SLC4A4: variants seen among roughly 807,000 people sequenced by gnomAD.
The protein encoded by SLC4A4 is solute carrier family 4 member 4, also known as electrogenic sodium bicarbonate cotransporter 1.
SLC4A4 carries 27 observed loss-of-function variants against 111.5 expected under a neutral mutation model. That is an observed-to-expected ratio of 0.24 (90% CI 0.18 to 0.33). The LOEUF (loss-of-function observed/expected upper bound fraction) is 0.33, where lower values mean the gene tolerates loss of function less well. Ranked by LOEUF, SLC4A4 falls within the 10% of genes least tolerant of loss-of-function variation. The pLI, the probability that SLC4A4 is intolerant of heterozygous loss-of-function variation, is 1.00. For missense variants in SLC4A4, 909 were observed against 1,315.5 expected, an observed-to-expected ratio of 0.69 and a Z score of 4.78; for synonymous variants, 443 against 463.4, an observed-to-expected ratio of 0.96 and a Z score of 0.57.
intron 2 of SLC4A4, among the ~76,000 whole-genome samples, chr4:71,254,035 G>A (rs2149059480): frequency 6.6e-6 from 1 of 152,270 alleles, no homozygotes; most frequent in Non-Finnish European, 1.5e-5. Context: ...ACTGTGGAAA[G>A]TAGTTCATGA....
chr4:71,195,243 T>TG (rs1553961256), intron 1 of SLC4A4, among the ~76,000 whole-genome samples: 357 of 148,782 alleles, frequency 2.4e-3, no homozygotes, highest in African/African-American at 8.3e-3. Context: ...TTTTTTTTTT[T>TG]TTTTTTTTTT....
chr4:71,108,961 A>T (rs1445814855), intron 2 of SLC4A4, among the ~76,000 whole-genome samples: 1 of 151,796 alleles, frequency 6.6e-6, no homozygotes, highest in Non-Finnish European at 1.5e-5. Flanking sequence ...TATCTAGTTG[A>T]TCTGCCATTA....
intron 3 of SLC4A4, among the ~76,000 whole-genome samples, chr4:71,277,167 A>G (rs1404014050): frequency 6.6e-6 from 1 of 152,188 alleles, no homozygotes; most frequent in African/African-American, 2.4e-5. Flanking sequence ...CCAGTAGTAC[A>G]ATTGCTTGGT....
At chr4:71,503,491 T>C (rs993897212) in intron 16 of SLC4A4, among the ~76,000 whole-genome samples, 3 of 152,114 alleles carry the variant, frequency 2.0e-5, no homozygotes, top group African/African-American at 7.2e-5. Flanking sequence ...GTGGTTGCCA[T>C]GGGGCTAACA....
intron 1 of SLC4A4, among the ~76,000 whole-genome samples, chr4:71,233,911 C>G (rs1719620336): frequency 6.6e-6 from 1 of 152,164 alleles, no homozygotes; most frequent in African/African-American, 2.4e-5. Context: ...TCCCGTAACA[C>G]CTAAAATTCT....
chr4:71,545,359 T>A (rs139071548), intron 18 of SLC4A4, among the ~76,000 whole-genome samples: 8 of 152,082 alleles, frequency 5.3e-5, no homozygotes, highest in South Asian at 2.1e-4. Flanking sequence ...GTAAATCACA[T>A]CCTCATTTTT....
chr4:71,519,406 G>A (rs1052780152), intron 16 of SLC4A4, among the ~76,000 whole-genome samples: 4 of 152,112 alleles, frequency 2.6e-5, no homozygotes, highest in Non-Finnish European at 2.9e-5. Context: ...CTAGAATAAT[G>A]ATAGCATTCT....
chr4:71,265,141 A>T (rs1379064797), intron 3 of SLC4A4, among the ~76,000 whole-genome samples: 1 of 152,190 alleles, frequency 6.6e-6, no homozygotes, highest in African/African-American at 2.4e-5. Flanking sequence ...TAAGCAGTTA[A>T]TACAATAGGA....
At chr4:71,260,835 T>A (rs781371948) in intron 3 of SLC4A4, among the ~76,000 whole-genome samples, 3 of 152,196 alleles carry the variant, frequency 2.0e-5, no homozygotes, top group Non-Finnish European at 4.4e-5. Flanking sequence ...TCGATTTTAA[T>A]CATAGTATTC....
intron 12 of SLC4A4, among the ~76,000 whole-genome samples, chr4:71,456,125 A>G (rs1164085917): frequency 2.0e-5 from 3 of 152,194 alleles, no homozygotes; most frequent in Non-Finnish European, 4.4e-5. Context: ...AATTTTCCAG[A>G]TGTAATTTGA....
chr4:71,411,175 C>T (rs894285244), intron 7 of SLC4A4, among the ~76,000 whole-genome samples: 10 of 152,148 alleles, frequency 6.6e-5, no homozygotes, highest in African/African-American at 2.2e-4. Context: ...GGTTTTCTCC[C>T]GTCCTGACTT....
intron 16 of SLC4A4, among the ~76,000 whole-genome samples, chr4:71,502,569 G>T (rs1050054374): frequency 6.6e-6 from 1 of 152,000 alleles, no homozygotes; most frequent in African/African-American, 2.4e-5. Flanking sequence ...TTTTTAATTT[G>T]TTTACTTACA....
chr4:71,362,741 G>T (rs79871465), intron 6 of SLC4A4, among the ~76,000 whole-genome samples: 3,017 of 152,148 alleles, frequency 0.02, 101 homozygotes, highest in African/African-American at 0.069. Flanking sequence ...TGTCAGGGGG[G>T]GTCCTAAATC....
intron 2 of SLC4A4, among the ~76,000 whole-genome samples, chr4:71,153,592 T>G (rs1297983626): frequency 6.6e-6 from 1 of 152,182 alleles, no homozygotes; most frequent in East Asian, 1.9e-4. Flanking sequence ...CAGAGAGTAG[T>G]GTGAAGATTA....
In SLC4A4 at chr4:71,513,097, G is replaced by T. The variant is rs1401433530; in HGVS notation, c.2166+15405G>T. ...CAGCTTTGTTCTTTTTGCTGCTCAG[G>T]ATTGCTTTGGCTATTCAGGCTTCTT... On this transcript the variant is annotated intron_variant, in intron 16 of 25. Transcript: ENST00000264485. 2.0e-5 allele frequency among the ~76,000 whole-genome samples: 3 copies of T among 152,074 alleles called. No individual in the cohort carries two copies. In the South Asian group the frequency reaches 6.2e-4, roughly 32 times the overall value.
At chr4:71,257,451 C>T (rs1721533078) in intron 3 of SLC4A4, among the ~76,000 whole-genome samples, 1 of 152,158 alleles carries the variant, frequency 6.6e-6, no homozygotes, top group South Asian at 2.1e-4. Flanking sequence ...TGTATATCCT[C>T]AGCTGCTTTG....
At position 71,206,141 on chromosome 4, in the gene SLC4A4, T is replaced by G. The variant is rs557176680; in HGVS notation, c.-2+18740T>G. Among the ~76,000 whole-genome samples, 48 of 152,328 alleles carry G rather than the reference T, an allele frequency of 3.2e-4. 1 individual carries two copies. The highest frequency in any genetic ancestry group is 1.1e-3 in the African/African-American group (47 of 41,584). ...GTTTGTATACTAATTTAATCTTTGT[T>G]AATAAGACCACATTTTCTGTGAAAT... On this transcript the variant is annotated intron_variant, in intron 1 of 25. Transcript: ENST00000264485.
rs1253286899 is a variant in SLC4A4, at chr4:71,570,459, C to T, written c.*2708C>T. ...CTAACAAGCAAAACCTGAGGTTTACCTAGTGACACCAAATTATCGGTATTT... is the reference window on the plus strand; with the variant it reads ...CTAACAAGCAAAACCTGAGGTTTACTTAGTGACACCAAATTATCGGTATTT... On this transcript the variant is annotated 3_prime_UTR_variant, in exon 26 of 26. Transcript: ENST00000264485. 6.6e-6 allele frequency: 1 copy of T among 152,140 alleles called. No individual in the cohort carries two copies. 9.4% of individuals were successfully genotyped at this position (152,140 alleles called of 1,614,324 possible).
rs1449993669 is a variant in SLC4A4 at position 71,234,738 on chromosome 4, A to G, written c.-1-1838A>G. On this transcript the variant is annotated intron_variant, in intron 1 of 25. Transcript: ENST00000264485. Reference sequence around the variant, plus strand: ...TGTGAGCCACCACGGCCGGCCTCAAATCTTCAAGGAATTTTCTTTTCCACC... The same window carrying G: ...TGTGAGCCACCACGGCCGGCCTCAAGTCTTCAAGGAATTTTCTTTTCCACC... 2.6e-5 allele frequency among the ~76,000 whole-genome samples: 4 copies of G among 152,166 alleles called. No homozygotes were observed. In the East Asian group the frequency reaches 7.7e-4, roughly 29 times the overall value.
Sources: gnomAD v4.1 joint callset for allele counts (sites outside exome capture counted in the v4.1 genomes callset) on GRCh38, gnomAD v4.1.1 for gene constraint, MANE v1.5 for transcripts, NCBI Gene and HGNC (gene_info 2026-07-23, HGNC 2026-07-21) for gene names.